The following CDHR2 variants were observed in gnomAD, a reference collection of about 807,000 sequenced individuals.
The protein encoded by CDHR2 is cadherin-related family member 2.
Under a neutral mutation model 138.6 loss-of-function variants are expected in CDHR2, and 104 were observed. The observed-to-expected ratio is 0.75, with a 90% CI of 0.64 to 0.88. The LOEUF (loss-of-function observed/expected upper bound fraction) is 0.88. Ranked by LOEUF, CDHR2 falls within the 40% of genes least tolerant of loss-of-function variation. The pLI, the probability that CDHR2 is intolerant of heterozygous loss-of-function variation, is 0.00. For synonymous variants in CDHR2, 755 were observed against 742.8 expected (o/e 1.02, Z -0.27); for missense variants, 1,624 against 1,727.6 (o/e 0.94, Z 1.06).
chr5:176,566,508 G>A (rs1312532531), intron 3 of CDHR2, among the ~76,000 whole-genome samples: 4 of 152,232 alleles, frequency 2.6e-5, no homozygotes, highest in Admixed American at 2.6e-4. Flanking sequence ...CAAACAAGGC[G>A]GAGGTGAATT....
intron 21 of CDHR2, 70 bp from the exon 22 acceptor site, chr5:176,588,961 T>G: frequency 6.5e-7 from 1 of 1,546,010 alleles, no homozygotes; most frequent in South Asian, 1.2e-5. Context: ...CCCTTGCCTC[T>G]GATCCCTGCT....
At position 176,591,495 on chromosome 5, in the gene CDHR2, C is replaced by T; in HGVS notation, c.3734+11C>T. ...CCTGGACTCTGTCAGGTGAGCAGTG[C>T]CCCTCACAGCCAGGCTAGGTGGTGG... On this transcript the variant is annotated intron_variant, in intron 30 of 31. Transcript: ENST00000261944. 6.3e-7 allele frequency: 1 copy of T among 1,598,640 alleles called. No individual in the cohort carries two copies. The highest frequency in any genetic ancestry group is 8.6e-7 in the Non-Finnish European group (1 of 1,166,322).
At chr5:176,580,747 G>C (rs1466713778) in intron 16 of CDHR2, among the ~76,000 whole-genome samples, 1 of 148,116 alleles carries the variant, frequency 6.8e-6, no homozygotes, top group Admixed American at 6.7e-5. Flanking sequence ...TGTGGTGGTG[G>C]GTGCCTGTAA....
chr5:176,563,776 G>C (rs1758022392), intron 1 of CDHR2, among the ~76,000 whole-genome samples: 1 of 152,200 alleles, frequency 6.6e-6, no homozygotes, highest in Admixed American at 6.5e-5. Context: ...GGCCACAAGT[G>C]GGGCCGTTTA....
At chr5:176,594,955 C>T (rs11134985) in intron 31 of CDHR2, among the ~76,000 whole-genome samples, 59,792 of 151,834 alleles carry the variant, frequency 0.39, 12,302 homozygotes, top group Non-Finnish European at 0.44. Flanking sequence ...AGCCTGTGGG[C>T]AGCGTCCCTC....
intron 19 of CDHR2, 25 bp from the exon 20 acceptor site, chr5:176,585,929 A>G (rs1231015927): frequency 6.2e-7 from 1 of 1,602,970 alleles, no homozygotes; most frequent in African/African-American, 1.3e-5. Flanking sequence ...GCCCAGAGCC[A>G]AAGCCAGCTG....
chr5:176,577,573 T>C lies in CDHR2; in HGVS notation c.1350+19T>C. 6.2e-7 allele frequency: 1 copy of C among 1,613,554 alleles called. No homozygotes were observed. The highest frequency in any genetic ancestry group is 8.5e-7 in the Non-Finnish European group (1 of 1,179,700). Reference sequence around the variant, plus strand: ...GGTGCAGGTGAGGGCTGCTCCGGGGTGCCAGGGGCAGAAGCCGAGGGGCAC... The same window carrying C: ...GGTGCAGGTGAGGGCTGCTCCGGGGCGCCAGGGGCAGAAGCCGAGGGGCAC... On this transcript the variant is annotated intron_variant, in intron 13 of 31. Transcript: ENST00000261944.
upstream of CDHR2, among the ~76,000 whole-genome samples, chr5:176,549,039 C>T (rs1757647507): frequency 6.6e-6 from 1 of 152,210 alleles, no homozygotes; most frequent in Non-Finnish European, 1.5e-5. Flanking sequence ...GGGACGGGGG[C>T]TCTGGCATCA....
upstream of CDHR2, among the ~76,000 whole-genome samples, chr5:176,544,451 C>CTCTCTTTACTTT (rs371507296): frequency 1.4e-5 from 2 of 146,160 alleles, no homozygotes; most frequent in East Asian, 4.0e-4. Flanking sequence ...TTCTCTCTTT[C>CTCTCTTTACTTT]CTTTTTTTGA....
At chr5:176,583,752 G>T (rs1214510344) in intron 17 of CDHR2, among the ~76,000 whole-genome samples, 1 of 152,230 alleles carries the variant, frequency 6.6e-6, no homozygotes, top group Admixed American at 6.5e-5. Flanking sequence ...AGGGACAGGG[G>T]TAGGAGGGGA....
chr5:176,566,045 G>A (rs928060804), intron 3 of CDHR2, among the ~76,000 whole-genome samples: 7 of 150,598 alleles, frequency 4.6e-5, no homozygotes, highest in South Asian at 4.2e-4. Flanking sequence ...CTTGGGCCAC[G>A]CTTCCTCCTC....
rs575722771 is a variant in CDHR2 at position 176,543,930 on chromosome 5, C to A, written c.-16+1161C>A. Reference sequence around the variant, plus strand: ...CCTGTGTCCCCATCGCTAGAGCCAACCTGGACCAGGGCATGGCCGGCACCA... The same window carrying A: ...CCTGTGTCCCCATCGCTAGAGCCAAACTGGACCAGGGCATGGCCGGCACCA... On this transcript the variant is annotated intron_variant, in intron 1 of 31. Transcript: ENST00000510636. This position sits in a 1 kb window ranked among gnomAD's most constrained non-coding sequence, Gnocchi z 4.0. Among the ~76,000 whole-genome samples the A allele has an allele frequency of 2.6e-4, 39 of 152,364 alleles. No homozygotes were observed. In the East Asian group the frequency reaches 7.1e-3, roughly 28 times the overall value.
At chr5:176,592,582 TGTGATGATGGTGGTGGTGGTGATG>T (rs1758913989) in intron 30 of CDHR2, 117 bp from the exon 31 acceptor site, 2 of 686,982 alleles carry the variant, frequency 2.9e-6, no homozygotes, top group Non-Finnish European at 5.3e-6. Context: ...TGATGGTAGT[TGTGATGATGGTGGTGGTGGTGATG>T]GTGATGATGG....
At chr5:176,566,527 T>C (rs1303829506) in intron 3 of CDHR2, among the ~76,000 whole-genome samples, 1 of 152,172 alleles carries the variant, frequency 6.6e-6, no homozygotes. Flanking sequence ...TTACCGCCCC[T>C]CGTGGCCGCC....
In CDHR2 at chr5:176,543,774, C is replaced by T. The variant is rs1373232348; in HGVS notation, c.-16+1005C>T. 1 of 152,232 alleles carries T rather than the reference C, an allele frequency of 6.6e-6. No homozygotes were observed. The highest frequency in any genetic ancestry group is 1.9e-4 in the East Asian group (1 of 5,184). 9.4% of individuals were successfully genotyped at this position (152,232 alleles called of 1,614,324 possible). ...TTGGTTCCCCGCTTTGGGCCATTCT[C>T]TGACCCTCACTTTTCAAGTCTGCGG... On this transcript the variant is annotated intron_variant, in intron 1 of 31. Coordinates refer to the CDHR2 transcript ENST00000510636. The surrounding 1 kb of genome is among the most constrained non-coding windows in gnomAD (Gnocchi z 4.0).
chr5:176,585,212 G>A (rs1418389539), intron 19 of CDHR2, among the ~76,000 whole-genome samples, 197 bp downstream of exon 19: 2 of 152,262 alleles, frequency 1.3e-5, no homozygotes, highest in Admixed American at 6.5e-5. Flanking sequence ...AGTGGGGTGG[G>A]CTGTGAAGAT....
chr5:176,556,836 A>T (rs1306843681), intron 1 of CDHR2: 1 of 152,196 alleles, frequency 6.6e-6, no homozygotes, highest in Non-Finnish European at 1.5e-5. Context: ...AAATGATACT[A>T]CAAGGTTTAT....
intron 1 of CDHR2, among the ~76,000 whole-genome samples, chr5:176,563,767 G>C (rs1330916339): frequency 6.6e-6 from 1 of 152,218 alleles, no homozygotes; most frequent in Non-Finnish European, 1.5e-5. Flanking sequence ...GGTCTCCTGG[G>C]CCACAAGTGG....
upstream of CDHR2, among the ~76,000 whole-genome samples, chr5:176,544,451 C>CTTTCCTTT (rs371507296): frequency 1.4e-5 from 2 of 146,160 alleles, no homozygotes; most frequent in Non-Finnish European, 3.0e-5. Context: ...TTCTCTCTTT[C>CTTTCCTTT]CTTTTTTTGA....
Sources: gnomAD v4.1 joint callset for allele counts (sites outside exome capture counted in the v4.1 genomes callset) on GRCh38, gnomAD v4.1.1 for gene constraint, Gnocchi (gnomAD v3.1) non-coding constraint, MANE v1.5 for transcripts, NCBI Gene and HGNC (gene_info 2026-07-23, HGNC 2026-07-21) for gene names.